TMX3: variants seen among roughly 807,000 people sequenced by gnomAD.
TMX3 encodes protein disulfide-isomerase TMX3.
TMX3 carries 40 observed loss-of-function variants against 64.4 expected under a neutral mutation model. That is an observed-to-expected ratio of 0.62 (90% CI 0.48 to 0.81). The LOEUF (loss-of-function observed/expected upper bound fraction) is 0.81. Ranked by LOEUF, TMX3 falls within the 30% of genes least tolerant of loss-of-function variation. The probability of loss-of-function intolerance (pLI) is 0.00; values close to 1 mark genes in which losing one functional copy is unlikely to be tolerated. For missense variants in TMX3, 497 were observed against 534.5 expected, an observed-to-expected ratio of 0.93 and a Z score of 0.69; for synonymous variants, 189 against 175.7, an observed-to-expected ratio of 1.08 and a Z score of -0.60.
intron 3 of TMX3, among the ~76,000 whole-genome samples, chr18:68,711,027 C>A (rs1438026603): frequency 6.6e-6 from 1 of 152,104 alleles, no homozygotes; most frequent in African/African-American, 2.4e-5. Flanking sequence ...CTCTTGGAAA[C>A]TATCAAGAAA....
chr18:68,708,351 C>A (rs1475430322), intron 4 of TMX3, among the ~76,000 whole-genome samples: 1 of 152,072 alleles, frequency 6.6e-6, no homozygotes, highest in South Asian at 2.1e-4. Context: ...ACCACAAATT[C>A]AAAATCATTG....
At chr18:68,709,936 A>G (rs2031094302) in intron 4 of TMX3, 85 bp downstream of exon 4, 1 of 1,334,828 alleles carries the variant, frequency 7.5e-7, no homozygotes, top group Admixed American at 2.8e-5. Context: ...GAGCAAAAAA[A>G]AGTCTTCCTC....
Position 68,687,683 on chromosome 18 carries a change from A to G in TMX3, c.720T>C (p.Tyr240=). Reference sequence around the variant, plus strand: ...GCTTGTTACCTGTGTCTCCAAGTTCATACAAGAGGAAGCCATCCATAGCAA... The same window carrying G: ...GCTTGTTACCTGTGTCTCCAAGTTCGTACAAGAGGAAGCCATCCATAGCAA... ...NYLAMDGFLL[Y]ELGDTGKLVA... Residue 240 remains tyrosine (Y), a synonymous_variant, in exon 10 of 16, where the codon TAT becomes TAC. Coordinates refer to ENST00000299608, the MANE Select transcript of TMX3 (RefSeq NM_019022.5). 1.9e-6 allele frequency: 3 copies of G among 1,611,148 alleles called. No individual in the cohort carries two copies. The South Asian group carries it at 3.3e-5, about 18-fold the overall frequency.
At chr18:68,678,485 A>G (rs548416418) in intron 15 of TMX3, among the ~76,000 whole-genome samples, 2 of 152,222 alleles carry the variant, frequency 1.3e-5, no homozygotes, top group African/African-American at 4.8e-5. Flanking sequence ...GGATGCTGAA[A>G]AACACTGAAG....
chr18:68,691,234 G>A, intron 9 of TMX3, 61 bp downstream of exon 9: 3 of 1,181,324 alleles, frequency 2.5e-6, no homozygotes, highest in Non-Finnish European at 3.6e-6. Context: ...TTACACCTAA[G>A]TTGTATAACA....
At position 68,700,491 on chromosome 18, in the gene TMX3, A is replaced by T. The variant is rs1351083888; in HGVS notation, c.312-6T>A. On this transcript the variant is annotated splice_region_variant and splice_polypyrimidine_tract_variant and intron_variant, in intron 5 of 15. Transcript: ENST00000299608. ...ATGCCAAGTCCCCTTTTAATCTTTA[A>T]AAAAAAAAAAAAATTAAAACCTGGA... is the stretch of plus-strand genomic sequence containing the variant. 4.2e-6 allele frequency: 6 copies of T among 1,416,704 alleles called. No individual in the cohort carries two copies. Among genetic ancestry groups the T allele is most frequent in the Admixed American group, 2.4e-5 (1 of 41,668 alleles). 87.8% of individuals were successfully genotyped at this position (1,416,704 alleles called of 1,614,324 possible). A position where few individuals can be genotyped will look rare whatever the true frequency, so the allele number is the denominator to read the frequency against.
At chr18:68,679,123 C>A (rs562042908) in intron 15 of TMX3, among the ~76,000 whole-genome samples, 1 of 152,132 alleles carries the variant, frequency 6.6e-6, no homozygotes, top group South Asian at 2.1e-4. Context: ...CAGAAGACAG[C>A]ACGTAATGGA....
At chr18:68,701,912 T>TA in intron 4 of TMX3, 122 bp from the exon 5 acceptor site, 1 of 688,564 alleles carries the variant, frequency 1.5e-6, no homozygotes, top group Non-Finnish European at 2.4e-6. Flanking sequence ...ACGTTGTTTT[T>TA]AAGTCTTAAG....
intron 12 of TMX3, 92 bp downstream of exon 12, chr18:68,684,097 TC>T (rs1393903016): frequency 1.9e-5 from 17 of 902,250 alleles, no homozygotes; most frequent in Non-Finnish European, 2.8e-5. Flanking sequence ...TTGATTCACC[TC>T]TAAAAGCATG....
Position 68,684,494 on chromosome 18 carries a change from A to G in TMX3, c.737-9T>C. The G allele has an allele frequency of 6.2e-7, 1 of 1,611,526 alleles. No homozygotes were observed. ...AAGAGCCACAAGCTTTCCTGAAATAAAGAATGACACATCTGAATTCAATCA... is the reference window on the plus strand; with the variant it reads ...AAGAGCCACAAGCTTTCCTGAAATAGAGAATGACACATCTGAATTCAATCA... On this transcript the variant is annotated splice_polypyrimidine_tract_variant and intron_variant, in intron 10 of 15. Coordinates refer to ENST00000299608, the MANE Select transcript of TMX3 (RefSeq NM_019022.5).
intron 2 of TMX3, 140 bp from the exon 3 acceptor site, chr18:68,711,543 T>G: frequency 6.1e-6 from 3 of 491,632 alleles, no homozygotes; most frequent in Non-Finnish European, 1.1e-5. Flanking sequence ...AAATTTTTAC[T>G]CAGTGACCTA....
chr18:68,691,032 C>T (rs773427208), intron 9 of TMX3: 21 of 353,612 alleles, frequency 5.9e-5, no homozygotes, highest in Non-Finnish European at 8.1e-5. Flanking sequence ...GTATAAAAAT[C>T]ACATAGAATT....
intron 4 of TMX3, chr18:68,706,159 C>G (rs894678666): frequency 3.3e-5 from 5 of 152,456 alleles, no homozygotes; most frequent in Non-Finnish European, 1.5e-5. Flanking sequence ...GAGGCCGAGG[C>G]AGGCAGATCA....
At chr18:68,696,011 G>A (rs948231907) in intron 8 of TMX3, among the ~76,000 whole-genome samples, 30 of 152,026 alleles carry the variant, frequency 2.0e-4, no homozygotes, top group African/African-American at 6.5e-4. Flanking sequence ...CGTTTCTGGC[G>A]TATTGTATCC....
Position 68,710,160 on chromosome 18 carries a change from C to T in TMX3, c.142-16G>A, listed in dbSNP as rs747110933. 8 of 1,505,006 alleles carry T rather than the reference C, an allele frequency of 5.3e-6. No individual in the cohort carries two copies. Among genetic ancestry groups the T allele is most frequent in the South Asian group, 1.4e-5 (1 of 73,570 alleles). 93.2% of individuals were successfully genotyped at this position (1,505,006 alleles called of 1,614,324 possible). On this transcript the variant is annotated splice_polypyrimidine_tract_variant and intron_variant, in intron 3 of 15. Coordinates refer to ENST00000299608, the MANE Select transcript of TMX3 (RefSeq NM_019022.5). ...GCGCATAAAACTTGTTTTAAAAAAA[C>T]AAACAACAAACAAAAAAAGATAACC...
chr18:68,713,806 C>A, intron 2 of TMX3, 40 bp downstream of exon 2: 5 of 1,012,244 alleles, frequency 4.9e-6, no homozygotes, highest in South Asian at 2.3e-5. Context: ...CTGAGTTGGA[C>A]AGTTAAAATA....
chr18:68,713,636 A>G (rs2031537745), intron 2 of TMX3, among the ~76,000 whole-genome samples: 1 of 152,236 alleles, frequency 6.6e-6, no homozygotes, highest in Admixed American at 6.5e-5. Context: ...GGAAAAAAAG[A>G]ATATGTAAAA....
rs1463636745 is a variant in TMX3 at position 68,674,398 on chromosome 18, CA to C, written c.*2534del. 1.3e-5 allele frequency: 2 copies of C among 151,986 alleles called. No homozygotes were observed. The highest frequency in any genetic ancestry group is 3.9e-4 in the East Asian group (2 of 5,186). The allele number at this position is 151,986 out of a possible 1,614,324, so 9.4% of individuals were successfully genotyped here. A position where few individuals can be genotyped will look rare whatever the true frequency, so the allele number is the denominator to read the frequency against. On this transcript the variant is annotated 3_prime_UTR_variant, in exon 16 of 16. Coordinates refer to ENST00000299608, the MANE Select transcript of TMX3 (RefSeq NM_019022.5). Reference sequence around the variant, plus strand: ...AATATTGTCTGAGCACCAAATTCTGCAAAAGCAAGGATCTAGAATTCCGAAT... The same window carrying C: ...AATATTGTCTGAGCACCAAATTCTGCAAAGCAAGGATCTAGAATTCCGAAT...
rs1273393794 is a variant in TMX3 at position 68,697,099 on chromosome 18, ACAGTAAAT to A, written c.570+119_570+126del. On this transcript the variant is annotated intron_variant, in intron 8 of 15. Transcript: ENST00000299608. ...CATGTTTACTTTTTCCAAACATATCACAGTAAATAAATCTGATATTAAAATCAATAATT... is the reference window on the plus strand; with the variant it reads ...CATGTTTACTTTTTCCAAACATATCAAAATCTGATATTAAAATCAATAATT... The A allele has an allele frequency of 5.2e-6, 3 of 571,618 alleles. No individual in the cohort carries two copies. The Admixed American group carries it at 1.0e-4, about 20-fold the overall frequency. 35.4% of individuals were successfully genotyped at this position (571,618 alleles called of 1,614,324 possible). A position where few individuals can be genotyped will look rare whatever the true frequency, so the allele number is the denominator to read the frequency against.
Sources: gnomAD v4.1 joint callset for allele counts (sites outside exome capture counted in the v4.1 genomes callset) on GRCh38, gnomAD v4.1.1 for gene constraint, MANE v1.5 for transcripts, NCBI Gene and HGNC (gene_info 2026-07-23, HGNC 2026-07-21) for gene names.